The following FBLN1 variants were observed in gnomAD, a reference collection of about 807,000 sequenced individuals.
FBLN1 encodes the protein fibulin 1, also known as fibulin-1.
FBLN1 carries 34 observed loss-of-function variants against 89.7 expected under a neutral mutation model. The ratio of observed to expected loss-of-function variants is 0.38; its 90% confidence interval spans 0.29 to 0.50. The LOEUF (loss-of-function observed/expected upper bound fraction) is 0.50, where lower values mean the gene tolerates loss of function less well. Ranked by LOEUF, FBLN1 falls within the 20% of genes least tolerant of loss-of-function variation. FBLN1 has a pLI of 0.92. For synonymous variants in FBLN1, 393 were observed against 391.3 expected, an observed-to-expected ratio of 1.00 and a Z score of -0.05; for missense variants, 777 against 988.1, an observed-to-expected ratio of 0.79 and a Z score of 2.86.
chr22:45,561,730 T>C lies in FBLN1; in HGVS notation c.1697+11115T>C, dbSNP rs968369909. ...AGGGACAGAACTAACGGAATACATATGTATAATGGAGAGTTTATTAAGCAT... is the reference window on the plus strand; with the variant it reads ...AGGGACAGAACTAACGGAATACATACGTATAATGGAGAGTTTATTAAGCAT... On this transcript the variant is annotated intron_variant, in intron 14 of 16. Coordinates refer to ENST00000327858, the MANE Select transcript of FBLN1 (RefSeq NM_006486.3). The surrounding 1 kb of genome is among the most constrained non-coding windows in gnomAD (Gnocchi z 4.7). 1.3e-5 allele frequency among the ~76,000 whole-genome samples: 2 copies of C among 152,134 alleles called. No individual in the cohort carries two copies. Among genetic ancestry groups the C allele is most frequent in the Non-Finnish European group, 2.9e-5 (2 of 68,030 alleles).
rs2088489938 is a variant in FBLN1, at chr22:45,536,907, A to AGCTGGCCGGCCTGGGT, written c.922+1571_922+1586dup. 6.6e-6 allele frequency among the ~76,000 whole-genome samples: 1 copy of AGCTGGCCGGCCTGGGT among 152,140 alleles called. No individual in the cohort carries two copies. On this transcript the variant is annotated intron_variant, in intron 8 of 16. Coordinates refer to ENST00000327858, the MANE Select transcript of FBLN1 (RefSeq NM_006486.3). This position sits in a 1 kb window ranked among gnomAD's most constrained non-coding sequence, Gnocchi z 5.1. ...GGAGCTGTGTGGGGTGCGGCCGGGGAGCTGGCCGGCCTGGGTTACTGGTTC... is the reference window on the plus strand; with the variant it reads ...GGAGCTGTGTGGGGTGCGGCCGGGGAGCTGGCCGGCCTGGGTGCTGGCCGGCCTGGGTTACTGGTTC...
chr22:45,507,929 C>T (rs186945767), intron 1 of FBLN1, among the ~76,000 whole-genome samples: 5 of 152,306 alleles, frequency 3.3e-5, no homozygotes, highest in Admixed American at 3.3e-4. Context: ...CCTAGAACTC[C>T]TCTATGGACC....
At position 45,574,935 on chromosome 22, in the gene FBLN1, C is replaced by G. The variant is rs915601972; in HGVS notation, c.1840+282C>G. ...TAGCTGGGACTACAGGCGCCCGCCACCACGCCTGGCTAATCTTTTTGTATT... is the reference window on the plus strand; with the variant it reads ...TAGCTGGGACTACAGGCGCCCGCCAGCACGCCTGGCTAATCTTTTTGTATT... On this transcript the variant is annotated intron_variant, in intron 15 of 16. Transcript: ENST00000327858. The surrounding 1 kb of genome is among the most constrained non-coding windows in gnomAD (Gnocchi z 4.1). Among the ~76,000 whole-genome samples, 1 of 152,146 alleles carries G rather than the reference C, an allele frequency of 6.6e-6. No individual in the cohort carries two copies. The highest frequency in any genetic ancestry group is 2.4e-5 in the African/African-American group (1 of 41,426).
intron 8 of FBLN1, among the ~76,000 whole-genome samples, chr22:45,539,282 C>T (rs1269633770): frequency 1.1e-4 from 16 of 149,712 alleles, no homozygotes; most frequent in Admixed American, 1.1e-3. Flanking sequence ...TCACTGCAAC[C>T]TCCACCCTGC....
At chr22:45,535,811 C>G (rs530113568) in intron 8 of FBLN1, among the ~76,000 whole-genome samples, 3 of 152,170 alleles carry the variant, frequency 2.0e-5, no homozygotes, top group Admixed American at 6.5e-5. Context: ...CGAGTACTTG[C>G]GAAGTACTGG....
chr22:45,563,196 A>T lies in FBLN1; in HGVS notation c.1698-11315A>T. ...GACTTGCTCCTGACCGTCAAGATGG[A>T]TCTCTCTCGCCACGGCACCGTCAGC... On this transcript the variant is annotated intron_variant, in intron 14 of 16. Transcript: ENST00000327858. This position sits in a 1 kb window ranked among gnomAD's most constrained non-coding sequence, Gnocchi z 5.7. 1 of 1,613,644 alleles carries T rather than the reference A, an allele frequency of 6.2e-7. No homozygotes were observed. The highest frequency in any genetic ancestry group is 1.7e-5 in the Admixed American group (1 of 60,020).
In FBLN1 at chr22:45,549,979, G is replaced by A. The variant is rs1452797928; in HGVS notation, c.1574-513G>A. Among the ~76,000 whole-genome samples the A allele has an allele frequency of 6.6e-6, 1 of 152,190 alleles. No individual in the cohort carries two copies. The stretch of plus-strand genomic sequence containing the variant: ...AGCTCCTGCCCTTTTCTCCTAAGAG[G>A]TTGAGTCACACCTAGGGTAAGGGTG... On this transcript the variant is annotated intron_variant, in intron 13 of 16. Coordinates refer to ENST00000327858, the MANE Select transcript of FBLN1 (RefSeq NM_006486.3). The surrounding 1 kb of genome is among the most constrained non-coding windows in gnomAD (Gnocchi z 5.7).
chr22:45,508,041 C>T (rs1007657585), intron 1 of FBLN1, among the ~76,000 whole-genome samples: 2 of 152,170 alleles, frequency 1.3e-5, no homozygotes, highest in Admixed American at 6.5e-5. Context: ...CACGGGGACT[C>T]GAGCACCTTC....
chr22:45,516,219 G>A lies in FBLN1; in HGVS notation c.80-2463G>A, dbSNP rs566761369. Among the ~76,000 whole-genome samples, 11 of 151,722 alleles carry A rather than the reference G, an allele frequency of 7.3e-5. No individual in the cohort carries two copies. The South Asian group carries it at 1.7e-3, about 23-fold the overall frequency. On this transcript the variant is annotated intron_variant, in intron 1 of 16. Coordinates refer to ENST00000327858, the MANE Select transcript of FBLN1 (RefSeq NM_006486.3). The stretch of plus-strand genomic sequence containing the variant: ...GAAACTGCAGGTGGGGGCTGAGTGG[G>A]CCTGGCCAGAGAAGGGGTGAAGGGA...
Position 45,561,410 on chromosome 22 carries a change from T to G in FBLN1, c.1697+10795T>G, listed in dbSNP as rs1002602485. ...CAACCAACCAGCTTCATTATGTTCC[T>G]TGGTTCTCCACATATGATCAAAGAT... is the stretch of plus-strand genomic sequence containing the variant. On this transcript the variant is annotated intron_variant, in intron 14 of 16. Transcript: ENST00000327858. The surrounding 1 kb of genome is among the most constrained non-coding windows in gnomAD (Gnocchi z 4.7). Among the ~76,000 whole-genome samples the G allele has an allele frequency of 6.6e-6, 1 of 152,226 alleles. No homozygotes were observed. Among genetic ancestry groups the G allele is most frequent in the Non-Finnish European group, 1.5e-5 (1 of 68,038 alleles).
At chr22:45,529,435 C>A (rs926277414) in intron 4 of FBLN1, among the ~76,000 whole-genome samples, 1 of 152,218 alleles carries the variant, frequency 6.6e-6, no homozygotes, top group Non-Finnish European at 1.5e-5. Context: ...TAGCCTCTTA[C>A]ACTTAGGCCA....
intron 5 of FBLN1, 30 bp from the exon 6 acceptor site, chr22:45,533,033 A>T (rs764179684): frequency 6.3e-7 from 1 of 1,596,006 alleles, no homozygotes; most frequent in South Asian, 1.1e-5. Flanking sequence ...GGGTGCGTCC[A>T]TCCCTGGCTC....
intron 2 of FBLN1, among the ~76,000 whole-genome samples, chr22:45,523,704 A>G (rs1305766938): frequency 5.9e-5 from 9 of 152,242 alleles, no homozygotes; most frequent in Non-Finnish European, 1.5e-5. Context: ...ACTCCATCTC[A>G]AAAACAAAAC....
rs138596961 is a variant in FBLN1 at position 45,556,038 on chromosome 22, G to A, written c.1697+5423G>A. On this transcript the variant is annotated intron_variant, in intron 14 of 16. Transcript: ENST00000327858. The surrounding 1 kb of genome is among the most constrained non-coding windows in gnomAD (Gnocchi z 4.6). ...TAAGACAGAGTCTCCCTCTGTTGCC[G>A]AGGCTGAAGTGTGGTGGTGTGATTT... is the stretch of plus-strand genomic sequence containing the variant. 1.6e-4 allele frequency among the ~76,000 whole-genome samples: 24 copies of A among 152,212 alleles called. No individual in the cohort carries two copies. The highest frequency in any genetic ancestry group is 4.8e-4 in the African/African-American group (20 of 41,536).
chr22:45,518,605 C>G, intron 1 of FBLN1, 77 bp from the exon 2 acceptor site: 2 of 1,035,502 alleles, frequency 1.9e-6, no homozygotes, highest in Non-Finnish European at 3.0e-6. Flanking sequence ...ACGTGCGTGT[C>G]CTGGTGGTGC....
At chr22:45,504,715 A>G (rs1428511484) in intron 1 of FBLN1, among the ~76,000 whole-genome samples, 2 of 151,806 alleles carry the variant, frequency 1.3e-5, no homozygotes, top group East Asian at 3.9e-4. Flanking sequence ...ATTTCTCCCT[A>G]TGTGTGTGTG....
At chr22:45,525,497 G>T in intron 2 of FBLN1, 46 bp from the exon 3 acceptor site, 2 of 1,544,928 alleles carry the variant, frequency 1.3e-6, no homozygotes, top group African/African-American at 1.4e-5. Context: ...CGTGCCCTGG[G>T]CCCCCTGCGC....
intron 14 of FBLN1, among the ~76,000 whole-genome samples, chr22:45,559,867 A>C (rs1181626323): frequency 5.3e-5 from 8 of 152,236 alleles, no homozygotes; most frequent in Non-Finnish European, 1.2e-4. Context: ...TCAGTAATGT[A>C]GTGGGGTCCT....
chr22:45,575,885 A>G lies in FBLN1; in HGVS notation c.1841-1092A>G, dbSNP rs951580912. On this transcript the variant is annotated intron_variant, in intron 15 of 16. Coordinates refer to ENST00000327858, the MANE Select transcript of FBLN1 (RefSeq NM_006486.3). This position sits in a 1 kb window ranked among gnomAD's most constrained non-coding sequence, Gnocchi z 6.3. The stretch of plus-strand genomic sequence containing the variant: ...TCCCTGGCCTGCGGAGAAGCATGCC[A>G]TGATGAGTTCATTCAGCAGCCGTGG... Among the ~76,000 whole-genome samples, 1 of 152,218 alleles carries G rather than the reference A, an allele frequency of 6.6e-6. No individual in the cohort carries two copies. Among genetic ancestry groups the G allele is most frequent in the African/African-American group, 2.4e-5 (1 of 41,462 alleles).
Sources: gnomAD v4.1 joint callset for allele counts (sites outside exome capture counted in the v4.1 genomes callset) on GRCh38, gnomAD v4.1.1 for gene constraint, Gnocchi (gnomAD v3.1) non-coding constraint, MANE v1.5 for transcripts, NCBI Gene and HGNC (gene_info 2026-07-23, HGNC 2026-07-21) for gene names.